EXD3: variants seen among roughly 807,000 people sequenced by gnomAD.
EXD3 encodes the protein exonuclease 3'-5' domain containing 3.
In EXD3, 92 loss-of-function variants were observed where a neutral mutation model predicts 98.0. The ratio of observed to expected loss-of-function variants is 0.94; its 90% CI spans 0.79 to 1.12. EXD3 has a LOEUF of 1.12. Ranked by LOEUF, EXD3 falls within the 50% of genes most tolerant of loss-of-function variation. The probability of loss-of-function intolerance (pLI) is 0.00; values close to 1 mark genes in which losing one functional copy is unlikely to be tolerated. For missense variants in EXD3, 1,222 were observed against 1,191.6 expected (o/e 1.03, Z -0.38); for synonymous variants, 569 against 526.0 (o/e 1.08, Z -1.12).
chr9:137,422,866 T>A (rs962438546), intron 1 of EXD3, among the ~76,000 whole-genome samples: 1 of 151,628 alleles, frequency 6.6e-6, no homozygotes, highest in South Asian at 2.1e-4. Flanking sequence ...GGCGGCGGGG[T>A]CGCCGGGGTC....
chr9:137,356,490 T>C (rs1278508617), intron 7 of EXD3, 122 bp from the exon 8 acceptor site: 1 of 693,200 alleles, frequency 1.4e-6, no homozygotes, highest in Non-Finnish European at 2.5e-6. Context: ...TATAAGAAAA[T>C]GCAGGCGTCA....
At chr9:137,366,767 C>T in intron 6 of EXD3, 135 bp from the exon 7 acceptor site, 1 of 1,146,284 alleles carries the variant, frequency 8.7e-7, no homozygotes, top group Non-Finnish European at 1.2e-6. Context: ...GCAGTGCTCG[C>T]CCGGCCAGTG....
chr9:137,348,268 C>A, intron 16 of EXD3, 30 bp from the exon 17 acceptor site: 1 of 1,600,546 alleles, frequency 6.2e-7, no homozygotes. Context: ...AGCAGTCCCA[C>A]GGTCACCCCC....
chr9:137,326,279 T>C (rs1489778961), intron 17 of EXD3, among the ~76,000 whole-genome samples: 1 of 152,164 alleles, frequency 6.6e-6, no homozygotes, highest in Non-Finnish European at 1.5e-5. Context: ...ACGTCGGTAT[T>C]TGCAAATCAC....
intron 7 of EXD3, among the ~76,000 whole-genome samples, chr9:137,363,398 C>T (rs574294454): frequency 4.3e-4 from 59 of 136,850 alleles, no homozygotes; most frequent in Admixed American, 2.7e-3. Context: ...AGTGCAGTGG[C>T]GTGATCTCGG....
chr9:137,340,575 G>T (rs1039296472), intron 17 of EXD3, among the ~76,000 whole-genome samples: 1 of 152,018 alleles, frequency 6.6e-6, no homozygotes, highest in Admixed American at 6.5e-5. Context: ...GCCCAGGCTG[G>T]AGTGCAGTGG....
At chr9:137,338,888 A>C (rs1046595723) in intron 17 of EXD3, among the ~76,000 whole-genome samples, 1 of 143,698 alleles carries the variant, frequency 7.0e-6, no homozygotes, top group Non-Finnish European at 1.5e-5. Context: ...GCGAGACTCC[A>C]TCTCAAAAAA....
At position 137,382,159 on chromosome 9, in the gene EXD3, G is replaced by A. The variant is rs570554927; in HGVS notation, c.120+1154C>T. Among the ~76,000 whole-genome samples the A allele has an allele frequency of 2.0e-3, 294 of 148,670 alleles. 6 individuals carry two copies. The Middle Eastern group carries it at 0.03, about 15-fold the overall frequency. Reference sequence around the variant, plus strand: ...GAGGAGGTGAGGGCGCGGGGAGGAGGTGGGAGCATGCGGAGGAGGTGAGGG... The same window carrying A: ...GAGGAGGTGAGGGCGCGGGGAGGAGATGGGAGCATGCGGAGGAGGTGAGGG... On this transcript the variant is annotated intron_variant, in intron 3 of 21. Transcript: ENST00000340951.
rs1357004792 is a variant in EXD3, at chr9:137,309,615, C to T, written c.2270G>A (p.Arg757Lys). 3 of 1,559,128 alleles carry T rather than the reference C, an allele frequency of 1.9e-6. No homozygotes were observed. The highest frequency in any genetic ancestry group is 2.6e-6 in the Non-Finnish European group (3 of 1,151,528). ...MWLSSHQEGP[R>K]SSGDEATQSQ... Reference sequence around the variant, plus strand: ...GACCCTGACACACTCACCTGAGCTCCTGGGCCCCTCCTGGTGACTGCTGAG... The same window carrying T: ...GACCCTGACACACTCACCTGAGCTCTTGGGCCCCTCCTGGTGACTGCTGAG... The change falls in exon 20 of 22, where the codon AGG (arginine) becomes AAG (lysine). Residue 757 changes from arginine to lysine, a missense_variant. Arg to Lys is a conservative substitution (Grantham distance 26). Transcript: ENST00000340951.
rs1014959866 is a variant in EXD3 at position 137,324,346 on chromosome 9, A to C, written c.1999-203T>G. Among the ~76,000 whole-genome samples the C allele has an allele frequency of 5.9e-5, 9 of 152,138 alleles. No individual in the cohort carries two copies. The highest frequency in any genetic ancestry group is 1.5e-5 in the Non-Finnish European group (1 of 68,034). ...GGTGTCGCCTCATTGTATAGATTTA[A>C]TCTTGGCACCACGCAAACATTTTTT... On this transcript the variant is annotated intron_variant, in intron 17 of 21. Transcript: ENST00000340951. This position sits in a 1 kb window ranked among gnomAD's most constrained non-coding sequence, Gnocchi z 4.1.
chr9:137,347,998 C>T lies in EXD3; in HGVS notation c.1998+73G>A. 1 of 1,484,688 alleles carries T rather than the reference C, an allele frequency of 6.7e-7. No homozygotes were observed. Among genetic ancestry groups the T allele is most frequent in the South Asian group, 1.3e-5 (1 of 76,916 alleles). 92.0% of individuals were successfully genotyped at this position (1,484,688 alleles called of 1,614,324 possible). A position where few individuals can be genotyped will look rare whatever the true frequency, so the allele number is the denominator to read the frequency against. On this transcript the variant is annotated intron_variant, in intron 17 of 21. Coordinates refer to ENST00000340951, the MANE Select transcript of EXD3 (RefSeq NM_017820.5). This position sits in a 1 kb window ranked among gnomAD's most constrained non-coding sequence, Gnocchi z 4.2. ...ATGAGCTGGAGGGAGGAGTTTGATG[C>T]TAGGGGTGGGCACACCTGTGCTAGG... is the stretch of plus-strand genomic sequence containing the variant.
Position 137,383,397 on chromosome 9 carries a change from G to A in EXD3, c.56-20C>T, listed in dbSNP as rs763024200. ...CCCGGCCTGTGGAGATAAGATAACA[G>A]CCGTGGGAGGGAGAGGCAGGTGCAG... On this transcript the variant is annotated intron_variant, in intron 2 of 21. Transcript: ENST00000340951. 26 of 1,527,018 alleles carry A rather than the reference G, an allele frequency of 1.7e-5. No individual in the cohort carries two copies. The highest frequency in any genetic ancestry group is 2.2e-5 in the Non-Finnish European group (25 of 1,130,172). The allele number at this position is 1,527,018 out of a possible 1,614,324, so 94.6% of individuals were successfully genotyped here. A position where few individuals can be genotyped will look rare whatever the true frequency, so the allele number is the denominator to read the frequency against.
chr9:137,410,612 C>T (rs1329386242), intron 1 of EXD3, among the ~76,000 whole-genome samples: 4 of 152,264 alleles, frequency 2.6e-5, no homozygotes, highest in Middle Eastern at 3.4e-3. Context: ...TTCTGAGAAC[C>T]CCAGAGGCTC....
intron 7 of EXD3, chr9:137,365,712 A>ACACACGTACACACCCATGCG (rs2131651905): frequency 6.6e-6 from 2 of 304,946 alleles, no homozygotes; most frequent in Admixed American, 9.1e-5. Flanking sequence ...ACACCCATGC[A>ACACACGTACACACCCATGCG]CACACACATA....
At position 137,359,259 on chromosome 9, in the gene EXD3, G is replaced by A. The variant is rs1204540592; in HGVS notation, c.657-2891C>T. ...GCTGGGATTACAGGCGTGAGCCACC[G>A]TGCCCGGCCAAGGCCTACTTTTTAA... is the stretch of plus-strand genomic sequence containing the variant. On this transcript the variant is annotated intron_variant, in intron 7 of 21. Transcript: ENST00000340951. 8.4e-5 allele frequency among the ~76,000 whole-genome samples: 7 copies of A among 83,198 alleles called. 3 individuals are homozygous for A. The highest frequency in any genetic ancestry group is 2.9e-4 in the Admixed American group (2 of 7,016). The allele number at this position is 83,198 out of a possible 152,430, so 54.6% of individuals were successfully genotyped here.
At chr9:137,313,208 C>T (rs914273216) in intron 19 of EXD3, among the ~76,000 whole-genome samples, 69 of 152,158 alleles carry the variant, frequency 4.5e-4, no homozygotes, top group African/African-American at 1.6e-3. Flanking sequence ...ATGTGGGGAA[C>T]CCGTGTCCTG....
At chr9:137,315,587 C>G (rs1831605385) in intron 19 of EXD3, among the ~76,000 whole-genome samples, 1 of 152,106 alleles carries the variant, frequency 6.6e-6, no homozygotes, top group Admixed American at 6.5e-5. Context: ...CCGGGTCTCC[C>G]ACTCACATGG....
At position 137,330,623 on chromosome 9, in the gene EXD3, A is replaced by AGCT. The variant is rs1564482457; in HGVS notation, c.1999-6481_1999-6480insAGC. ...ACAGGACTACACAGGACTACACAGG[A>AGCT]ACTACACAGGACTACACAGGAGCTA... On this transcript the variant is annotated intron_variant, in intron 17 of 21. Transcript: ENST00000340951. Among the ~76,000 whole-genome samples the AGCT allele has an allele frequency of 4.9e-3, 532 of 109,376 alleles. 45 individuals carry two copies. Among genetic ancestry groups the AGCT allele is most frequent in the Non-Finnish European group, 6.9e-3 (376 of 54,622 alleles). 71.8% of individuals were successfully genotyped at this position (109,376 alleles called of 152,430 possible). A position where few individuals can be genotyped will look rare whatever the true frequency, so the allele number is the denominator to read the frequency against.
chr9:137,333,330 G>A (rs763425396), intron 17 of EXD3, among the ~76,000 whole-genome samples: 35 of 152,144 alleles, frequency 2.3e-4, no homozygotes, highest in African/African-American at 5.1e-4. Flanking sequence ...ACTTGCAGAC[G>A]GCCTGGGTGA....
Sources: gnomAD v4.1 joint callset for allele counts (sites outside exome capture counted in the v4.1 genomes callset) on GRCh38, gnomAD v4.1.1 for gene constraint, Gnocchi (gnomAD v3.1) non-coding constraint, MANE v1.5 for transcripts, NCBI Gene and HGNC (gene_info 2026-07-23, HGNC 2026-07-21) for gene names.